LRP1B: variants seen among roughly 807,000 people sequenced by gnomAD.
LRP1B encodes the protein low-density lipoprotein receptor-related protein 1B.
In LRP1B, 217 loss-of-function variants were observed where a neutral mutation model predicts 556.6. The ratio of observed to expected loss-of-function variants is 0.39; its 90% CI spans 0.35 to 0.44. The LOEUF (loss-of-function observed/expected upper bound fraction) is 0.44. LRP1B is among the 20% of genes least tolerant of loss of function. The pLI, the probability that LRP1B is intolerant of heterozygous loss-of-function variation, is 1.00. For missense variants in LRP1B, 5,053 were observed against 5,620.8 expected (o/e 0.90, Z 3.23); for synonymous variants, 2,047 against 1,865.8 (o/e 1.10, Z -2.50).
chr2:141,369,357 A>G (rs1239910613), intron 3 of LRP1B, among the ~76,000 whole-genome samples: 1 of 152,172 alleles, frequency 6.6e-6, no homozygotes, highest in Non-Finnish European at 1.5e-5. Flanking sequence ...ATTTTTAAGA[A>G]TAAGACTGAA....
chr2:141,143,076 G>A (rs1181479229), intron 7 of LRP1B, among the ~76,000 whole-genome samples: 1 of 151,854 alleles, frequency 6.6e-6, no homozygotes, highest in African/African-American at 2.4e-5. Context: ...TTACAGGCGC[G>A]TGCTACCACG....
chr2:141,168,066 C>G (rs111529674), intron 7 of LRP1B, among the ~76,000 whole-genome samples: 2,420 of 152,094 alleles, frequency 0.016, 25 homozygotes, highest in Middle Eastern at 0.041. Flanking sequence ...GTTGCTAAAA[C>G]AGAAGCGATG....
rs367729434 is a variant in LRP1B, at chr2:141,056,565, T to C, written c.1409-1306A>G. On this transcript the variant is annotated intron_variant, in intron 9 of 90. Transcript: ENST00000389484. ...CTGCCCTTGTCAGATCCCAGTGAGCTTCATGCTGCTAAATCCTATGGTCAA... is the reference window on the plus strand; with the variant it reads ...CTGCCCTTGTCAGATCCCAGTGAGCCTCATGCTGCTAAATCCTATGGTCAA... Among the ~76,000 whole-genome samples, 4 of 152,056 alleles carry C rather than the reference T, an allele frequency of 2.6e-5. No individual in the cohort carries two copies. In the East Asian group the frequency reaches 7.8e-4, roughly 30 times the overall value.
At chr2:141,096,627 G>GAGAGA (rs1700315597) in intron 7 of LRP1B, among the ~76,000 whole-genome samples, 45 of 50,508 alleles carry the variant, frequency 8.9e-4, no homozygotes, top group Middle Eastern at 0.014. Context: ...ACGGGGAGAG[G>GAGAGA]GGGAGAGAGA....
At chr2:141,398,703 C>T (rs1005878956) in intron 3 of LRP1B, among the ~76,000 whole-genome samples, 1 of 152,146 alleles carries the variant, frequency 6.6e-6, no homozygotes, top group African/African-American at 2.4e-5. Flanking sequence ...TTCTTAACTG[C>T]CATAATGTTT....
chr2:141,647,188 C>G (rs908197653), intron 2 of LRP1B, among the ~76,000 whole-genome samples: 2 of 151,752 alleles, frequency 1.3e-5, no homozygotes, highest in African/African-American at 2.4e-5. Flanking sequence ...GTGTTCACTA[C>G]TTCTTCTTTC....
intron 1 of LRP1B, among the ~76,000 whole-genome samples, chr2:141,922,067 C>T (rs991492336): frequency 2.0e-5 from 3 of 152,042 alleles, no homozygotes; most frequent in African/African-American, 4.8e-5. Context: ...GGAAAAGAAT[C>T]TAAAGAATTC....
chr2:140,460,588 A>C (rs1573964110), intron 60 of LRP1B, among the ~76,000 whole-genome samples: 1 of 152,338 alleles, frequency 6.6e-6, no homozygotes, highest in East Asian at 1.9e-4. Flanking sequence ...TTGCTTAACT[A>C]ACAGAGAAAT....
chr2:141,332,062 G>T (rs1032075667), intron 3 of LRP1B, among the ~76,000 whole-genome samples: 1 of 151,554 alleles, frequency 6.6e-6, no homozygotes, highest in South Asian at 2.1e-4. Context: ...TTAGCATTTT[G>T]CCTATATGCT....
intron 3 of LRP1B, among the ~76,000 whole-genome samples, chr2:141,477,075 A>G (rs771788422): frequency 9.3e-4 from 142 of 152,228 alleles, no homozygotes; most frequent in Non-Finnish European, 1.1e-3. Flanking sequence ...GTGAGCCGAG[A>G]TAGCGCCATT....
intron 66 of LRP1B, among the ~76,000 whole-genome samples, chr2:140,414,535 G>A (rs1685099296): frequency 6.6e-6 from 1 of 152,126 alleles, no homozygotes; most frequent in African/African-American, 2.4e-5. Context: ...TTTGTGTTTT[G>A]TGGGAAGTCA....
chr2:141,087,911 T>G (rs2104902046), intron 7 of LRP1B, among the ~76,000 whole-genome samples: 1 of 152,334 alleles, frequency 6.6e-6, no homozygotes, highest in African/African-American at 2.4e-5. Context: ...TTTTTATAAG[T>G]TAGACATTAT....
chr2:140,680,407 C>T (rs925303640), intron 41 of LRP1B, among the ~76,000 whole-genome samples: 3 of 152,022 alleles, frequency 2.0e-5, no homozygotes, highest in African/African-American at 7.3e-5. Context: ...TGAGAAAAAG[C>T]GGCTGGGTGG....
chr2:141,416,543 T>C (rs1317498664), intron 3 of LRP1B, among the ~76,000 whole-genome samples: 7 of 142,312 alleles, frequency 4.9e-5, no homozygotes, highest in African/African-American at 2.6e-5. Flanking sequence ...AACCTCTGCC[T>C]CCCAGGCTCA....
chr2:140,276,849 T>A (rs1482822500), intron 84 of LRP1B, among the ~76,000 whole-genome samples: 2 of 151,894 alleles, frequency 1.3e-5, no homozygotes, highest in Admixed American at 6.6e-5. Flanking sequence ...TCCAGTGCCG[T>A]TCCCTGCCAC....
At position 140,358,255 on chromosome 2, in the gene LRP1B, AT is replaced by A; in HGVS notation, c.11258-140del. ...CTTTATCTGAAGCTCTCAAGGCCAA[AT>A]TTTTAAACATTCTGAAATTTTTGGA... On this transcript the variant is annotated intron_variant, in intron 73 of 90. Coordinates refer to ENST00000389484, the MANE Select transcript of LRP1B (RefSeq NM_018557.3). 4.4e-6 allele frequency: 3 copies of A among 688,044 alleles called. No homozygotes were observed. In the Admixed American group the frequency reaches 8.5e-5, roughly 20 times the overall value. The allele number at this position is 688,044 out of a possible 1,614,324, so 42.6% of individuals were successfully genotyped here.
intron 27 of LRP1B, among the ~76,000 whole-genome samples, chr2:140,864,774 G>A (rs1273116043): frequency 1.3e-5 from 2 of 151,932 alleles, no homozygotes; most frequent in Non-Finnish European, 2.9e-5. Context: ...AACCTACATT[G>A]TGTTAAATGG....
At chr2:140,420,328 G>A (rs541069508) in intron 66 of LRP1B, among the ~76,000 whole-genome samples, 1 of 152,214 alleles carries the variant, frequency 6.6e-6, no homozygotes, top group Non-Finnish European at 1.5e-5. Flanking sequence ...AATTAAATAT[G>A]AATTAAGATA....
At position 141,964,956 on chromosome 2, in the gene LRP1B, A is replaced by C. The variant is rs1701513387; in HGVS notation, c.83-154555T>G. Among the ~76,000 whole-genome samples, 7 of 149,876 alleles carry C rather than the reference A, an allele frequency of 4.7e-5. No homozygotes were observed. The South Asian group carries it at 1.5e-3, about 32-fold the overall frequency. On this transcript the variant is annotated intron_variant, in intron 1 of 90. Transcript: ENST00000389484. ...CGAGGGACATGAACAGACACTTCTCAAAAAAAGACATTTATGCAGCCAAAA... is the reference window on the plus strand; with the variant it reads ...CGAGGGACATGAACAGACACTTCTCCAAAAAAGACATTTATGCAGCCAAAA...
Sources: allele counts gnomAD v4.1 joint callset (sites outside exome capture counted in the v4.1 genomes callset), GRCh38; gene constraint gnomAD v4.1.1; transcripts MANE v1.5; gene names NCBI Gene and HGNC (gene_info 2026-07-23, HGNC 2026-07-21).